The following KLHDC2 variants were observed in gnomAD, a reference collection of about 807,000 sequenced individuals.
KLHDC2 encodes the protein kelch domain containing 2.
In KLHDC2, 38 loss-of-function variants were observed where a neutral mutation model predicts 62.3. The ratio of observed to expected loss-of-function variants is 0.61; its 90% CI spans 0.47 to 0.80. KLHDC2 has a LOEUF of 0.80. Among genes scored for constraint, KLHDC2 ranks in the 30% least tolerant of loss-of-function variants. The pLI is 0.00. For missense variants in KLHDC2, 430 were observed against 495.3 expected, an observed-to-expected ratio of 0.87 and a Z score of 1.25; for synonymous variants, 159 against 161.0, an observed-to-expected ratio of 0.99 and a Z score of 0.09.
intron 3 of KLHDC2, among the ~76,000 whole-genome samples, chr14:49,775,244 C>T (rs1424273951): frequency 1.3e-5 from 2 of 152,174 alleles, no homozygotes; most frequent in African/African-American, 4.8e-5. Context: ...TATATTAGCG[C>T]TTACTGAGTT....
In KLHDC2 at chr14:49,782,375, G is replaced by A; in HGVS notation, c.962G>A (p.Trp321Ter). ...NHPYTEKPRLWHTACASDEGE... is the reference protein window; with the variant it reads ...NHPYTEKPRL The stretch of plus-strand genomic sequence containing the variant: ...CGTTTTTGTTTTAAATGCAGGTTAT[G>A]GCACACAGCTTGTGCCAGCGATGAA... Residue 321 changes from tryptophan to a stop codon, truncating the protein, a stop_gained, in exon 11 of 13, where the codon TGG becomes TAG. Coordinates refer to ENST00000298307, the MANE Select transcript of KLHDC2 (RefSeq NM_014315.3). LOFTEE classifies it high-confidence loss of function. 1 of 1,608,066 alleles carries A rather than the reference G, an allele frequency of 6.2e-7. No homozygotes were observed. Among genetic ancestry groups the A allele is most frequent in the Non-Finnish European group, 8.5e-7 (1 of 1,176,630 alleles).
chr14:49,783,953 CTAT>C lies in KLHDC2; in HGVS notation c.*1001_*1003del, dbSNP rs1417624802. 1 of 151,954 alleles carries C rather than the reference CTAT, an allele frequency of 6.6e-6. No homozygotes were observed. The highest frequency in any genetic ancestry group is 1.5e-5 in the Non-Finnish European group (1 of 67,978). The allele number at this position is 151,954 out of a possible 1,614,324, so 9.4% of individuals were successfully genotyped here. On this transcript the variant is annotated 3_prime_UTR_variant, in exon 13 of 13. Coordinates refer to ENST00000298307, the MANE Select transcript of KLHDC2 (RefSeq NM_014315.3). ...AATATTTAAACCCCTTGTAGCTGGC[CTAT>C]AATATATATATATTAGATGTTATAT...
chr14:49,770,762 C>T lies in KLHDC2; in HGVS notation c.154-832C>T, dbSNP rs190241286. Among the ~76,000 whole-genome samples, 29 of 152,306 alleles carry T rather than the reference C, an allele frequency of 1.9e-4. No individual in the cohort carries two copies. In the East Asian group the frequency reaches 4.8e-3, roughly 25 times the overall value. On this transcript the variant is annotated intron_variant, in intron 1 of 12. Transcript: ENST00000298307. ...GCTTTCAGCTGTGGCATATGGTAGG[C>T]TCAGTCTGTGTTAGGAATTAATACC...
chr14:49,776,944 T>TAA (rs1401066126), intron 3 of KLHDC2, among the ~76,000 whole-genome samples: 1 of 150,570 alleles, frequency 6.6e-6, no homozygotes, highest in Non-Finnish European at 1.5e-5. Flanking sequence ...TATATATATA[T>TAA]ATATATGGCT....
In KLHDC2 at chr14:49,779,805, T is replaced by G. The variant is rs1889850157; in HGVS notation, c.772T>G (p.Leu258Val). 8 of 1,603,068 alleles carry G rather than the reference T, an allele frequency of 5.0e-6. No individual in the cohort carries two copies. Among genetic ancestry groups the G allele is most frequent in the Non-Finnish European group, 6.8e-6 (8 of 1,171,566 alleles). Residue 258 changes from leucine (L) to valine (V), a missense_variant and splice_region_variant, in exon 8 of 13, where the codon TTA (leucine) becomes GTA (valine). Transcript: ENST00000298307. ...LNLDTWEWNE[L>V]IPQGICPVGR... The stretch of plus-strand genomic sequence containing the variant: ...TCTGGATACATGGGAGTGGAATGAA[T>G]TGTAGGTATCACTTTAGATACATTT...
In KLHDC2 at chr14:49,782,523, C is replaced by G. The variant is rs778561811; in HGVS notation, c.1045-19C>G. 4 of 1,602,446 alleles carry G rather than the reference C, an allele frequency of 2.5e-6. No individual in the cohort carries two copies. Among genetic ancestry groups the G allele is most frequent in the South Asian group, 2.2e-5 (2 of 89,962 alleles). On this transcript the variant is annotated intron_variant, in intron 11 of 12. Coordinates refer to ENST00000298307, the MANE Select transcript of KLHDC2 (RefSeq NM_014315.3). ...CAAAGCATTTGCTTTTAAATGTGTT[C>G]TTCCTATTTATTTTTCAGGCACACA...
At position 49,771,545 on chromosome 14, in the gene KLHDC2, G is replaced by T. The variant is rs948091873; in HGVS notation, c.154-49G>T. On this transcript the variant is annotated intron_variant, in intron 1 of 12. Coordinates refer to ENST00000298307, the MANE Select transcript of KLHDC2 (RefSeq NM_014315.3). ...AGATCGATTTAAAAAATACAGTAGT[G>T]CCTCTTTAAAATACCAGTTTTTATA... The T allele has an allele frequency of 3.7e-6, 3 of 805,378 alleles. No individual in the cohort carries two copies. In the Admixed American group the frequency reaches 6.0e-5, roughly 16 times the overall value. 49.9% of individuals were successfully genotyped at this position (805,378 alleles called of 1,614,324 possible). A position where few individuals can be genotyped will look rare whatever the true frequency, so the allele number is the denominator to read the frequency against.
chr14:49,780,384 A>G, intron 9 of KLHDC2, 62 bp downstream of exon 9: 5 of 1,127,428 alleles, frequency 4.4e-6, no homozygotes, highest in Non-Finnish European at 6.8e-6. Context: ...AATAGCTGAA[A>G]ATGAGTCTAT....
chr14:49,778,356 T>C (rs1286859167), intron 5 of KLHDC2, 55 bp from the exon 6 acceptor site: 1 of 1,329,580 alleles, frequency 7.5e-7, no homozygotes, highest in African/African-American at 1.5e-5. Context: ...TCAGGCAGGC[T>C]GTCTAATTTT....
At chr14:49,773,629 T>C (rs1260445628) in intron 2 of KLHDC2, among the ~76,000 whole-genome samples, 2 of 144,148 alleles carry the variant, frequency 1.4e-5, no homozygotes, top group East Asian at 4.2e-4. Context: ...CAGGCTGGAG[T>C]GCAGTGGCGC....
At chr14:49,773,270 C>T (rs951664036) in intron 2 of KLHDC2, among the ~76,000 whole-genome samples, 9 of 151,390 alleles carry the variant, frequency 5.9e-5, no homozygotes, top group Admixed American at 3.3e-4. Flanking sequence ...AAAAATTAGC[C>T]GGGCGTGGAG....
chr14:49,770,373 C>T (rs1372195504), intron 1 of KLHDC2, among the ~76,000 whole-genome samples: 1 of 152,194 alleles, frequency 6.6e-6, no homozygotes, highest in Non-Finnish European at 1.5e-5. Flanking sequence ...AGGCTGGTCC[C>T]CTGTGGGTCA....
At chr14:49,780,375 A>G in intron 9 of KLHDC2, 53 bp downstream of exon 9, 2 of 1,164,296 alleles carry the variant, frequency 1.7e-6, no homozygotes, top group Non-Finnish European at 2.6e-6. Flanking sequence ...TCCATATCTA[A>G]TAGCTGAAAA....
chr14:49,771,577 A>C lies in KLHDC2; in HGVS notation c.154-17A>C. On this transcript the variant is annotated splice_polypyrimidine_tract_variant and intron_variant, in intron 1 of 12. Coordinates refer to ENST00000298307, the MANE Select transcript of KLHDC2 (RefSeq NM_014315.3). ...TAAAATACCAGTTTTTATATTTACAATTTTTTTTATTCTTAGAGTAATCAA... is the reference window on the plus strand; with the variant it reads ...TAAAATACCAGTTTTTATATTTACACTTTTTTTTATTCTTAGAGTAATCAA... 8.7e-7 allele frequency: 1 copy of C among 1,147,594 alleles called. No individual in the cohort carries two copies. Among genetic ancestry groups the C allele is most frequent in the Admixed American group, 1.9e-5 (1 of 53,066 alleles). The allele number at this position is 1,147,594 out of a possible 1,614,324, so 71.1% of individuals were successfully genotyped here.
chr14:49,779,859 T>A, intron 8 of KLHDC2, 53 bp downstream of exon 8: 1 of 1,212,278 alleles, frequency 8.2e-7, no homozygotes, highest in Non-Finnish European at 1.2e-6. Context: ...TTTTACCCTA[T>A]ATTCCCTACT....
At chr14:49,770,221 T>A (rs1889633834) in intron 1 of KLHDC2, among the ~76,000 whole-genome samples, 1 of 152,050 alleles carries the variant, frequency 6.6e-6, no homozygotes, top group Non-Finnish European at 1.5e-5. Context: ...ATCACTGAAT[T>A]GGATGGTTCT....
intron 6 of KLHDC2, among the ~76,000 whole-genome samples, chr14:49,779,200 G>C (rs1010283452): frequency 2.0e-5 from 3 of 152,050 alleles, no homozygotes; most frequent in Non-Finnish European, 4.4e-5. Context: ...TGGATTTTCC[G>C]ATTACAGATA....
Position 49,783,683 on chromosome 14 carries a change from T to TTAAC in KLHDC2, c.*730_*731insTAAC, listed in dbSNP as rs1288404960. The TTAAC allele has an allele frequency of 3.9e-5, 6 of 152,260 alleles. No individual in the cohort carries two copies. The highest frequency in any genetic ancestry group is 6.5e-5 in the Admixed American group (1 of 15,280). The allele number at this position is 152,260 out of a possible 1,614,324, so 9.4% of individuals were successfully genotyped here. A position where few individuals can be genotyped will look rare whatever the true frequency, so the allele number is the denominator to read the frequency against. On this transcript the variant is annotated 3_prime_UTR_variant, in exon 13 of 13. Transcript: ENST00000298307. ...CTTCTGGTATTATAGGTTAAGATAC[T>TTAAC]CTAACGTGCTATATTGGTAATTAAT...
intron 3 of KLHDC2, chr14:49,774,900 C>G: frequency 2.1e-6 from 1 of 487,054 alleles, no homozygotes; most frequent in Non-Finnish European, 3.6e-6. Flanking sequence ...TGTGCAGTAA[C>G]TTCCTGGGTG....
Sources: allele counts gnomAD v4.1 joint callset (sites outside exome capture counted in the v4.1 genomes callset), GRCh38; gene constraint gnomAD v4.1.1; transcripts MANE v1.5; gene names NCBI Gene and HGNC (gene_info 2026-07-23, HGNC 2026-07-21).